CD44: variants seen among roughly 807,000 people sequenced by gnomAD.
The protein encoded by CD44 is CD44 antigen.
A neutral mutation model predicts 88.8 loss-of-function variants in CD44; 49 were observed. The observed-to-expected ratio is 0.55, with a 90% CI of 0.44 to 0.70. CD44 has a LOEUF of 0.70. Ranked by LOEUF, CD44 falls within the 30% of genes least tolerant of loss-of-function variation. CD44 has a pLI of 0.00. For synonymous variants in CD44, 325 were observed against 312.3 expected (o/e 1.04, Z -0.43); for missense variants, 883 against 913.8 (o/e 0.97, Z 0.43).
At chr11:35,146,430 C>T (rs535325611) in intron 1 of CD44, among the ~76,000 whole-genome samples, 29 of 152,202 alleles carry the variant, frequency 1.9e-4, no homozygotes, top group Non-Finnish European at 1.8e-4. Context: ...CTGTTTGCAT[C>T]TTTGCACAAG....
chr11:35,194,998 C>T (rs1003457626), intron 5 of CD44, among the ~76,000 whole-genome samples: 4 of 152,178 alleles, frequency 2.6e-5, no homozygotes, highest in African/African-American at 9.7e-5. Context: ...AGGCCCTGAA[C>T]CCTTCTTTGG....
At chr11:35,198,733 C>T (rs190265226) in intron 7 of CD44, among the ~76,000 whole-genome samples, 1 of 152,040 alleles carries the variant, frequency 6.6e-6, no homozygotes, top group South Asian at 2.1e-4. Context: ...AATCCCAGCA[C>T]CCTGGGAGGC....
At position 35,179,369 on chromosome 11, in the gene CD44, G is replaced by A. The variant is rs3794105; in HGVS notation, c.234-905G>A. 0.19 allele frequency among the ~76,000 whole-genome samples: 28,877 copies of A among 152,060 alleles called. 3,121 individuals carry two copies. The highest frequency in any genetic ancestry group is 0.27 in the African/African-American group (11,360 of 41,468). ...CTCAGCCCACATCTCATTTTTTGAG[G>A]CATTTTATATTCAAAAAAAATTGTG... On this transcript the variant is annotated intron_variant, in intron 2 of 17. Transcript: ENST00000428726.
Position 35,229,604 on chromosome 11 carries a change from G to A in CD44, c.*271G>A, listed in dbSNP as rs931774687. On this transcript the variant is annotated 3_prime_UTR_variant, in exon 18 of 18. Transcript: ENST00000428726. The stretch of plus-strand genomic sequence containing the variant: ...CCCACTTGGAGGCCTTTCATCCCTC[G>A]GGTGTGCTATGGATGGCTTCTAACA... 2.2e-5 allele frequency: 10 copies of A among 446,166 alleles called. No individual in the cohort carries two copies. The highest frequency in any genetic ancestry group is 6.1e-4 in the Middle Eastern group (1 of 1,638). The allele number at this position is 446,166 out of a possible 1,614,324, so 27.6% of individuals were successfully genotyped here. A position where few individuals can be genotyped will look rare whatever the true frequency, so the allele number is the denominator to read the frequency against.
intron 1 of CD44, among the ~76,000 whole-genome samples, chr11:35,145,045 G>A (rs1446441730): frequency 6.6e-6 from 1 of 152,214 alleles, no homozygotes; most frequent in Admixed American, 6.5e-5. Flanking sequence ...CACATTGCAG[G>A]TATGCCTATA....
chr11:35,227,695 G>A (rs1310711389), intron 17 of CD44, among the ~76,000 whole-genome samples: 1 of 152,194 alleles, frequency 6.6e-6, no homozygotes, highest in Non-Finnish European at 1.5e-5. Context: ...GTCCTACAGG[G>A]AATGGTCCAT....
chr11:35,167,563 C>T (rs1235665517), intron 1 of CD44, among the ~76,000 whole-genome samples: 2 of 152,128 alleles, frequency 1.3e-5, no homozygotes, highest in East Asian at 3.8e-4. Context: ...GAAATAGAAT[C>T]CTGGCTTTTT....
In CD44 at chr11:35,176,628, C is replaced by T. The variant is rs757127128; in HGVS notation, c.121C>T (p.Arg41Cys). Residue 41 changes from arginine to cysteine, a missense_variant, in exon 2 of 18, where the codon CGC (arginine) becomes TGC (cysteine). Physicochemically the swap from Arg to Cys is radical, Grantham distance 180 (BLOSUM62 -3). Coordinates refer to ENST00000428726, the MANE Select transcript of CD44 (RefSeq NM_000610.4). ...TGTATTCCACGTGGAGAAAAATGGT[C>T]GCTACAGCATCTCTCGGACGGAGGC... is the stretch of plus-strand genomic sequence containing the variant. Reference protein sequence around the residue: ...AGVFHVEKNGRYSISRTEAAD... With the variant: ...AGVFHVEKNGCYSISRTEAAD... 6.2e-7 allele frequency: 1 copy of T among 1,614,122 alleles called. No homozygotes were observed. Among genetic ancestry groups the T allele is most frequent in the Non-Finnish European group, 8.5e-7 (1 of 1,179,962 alleles).
Position 35,186,810 on chromosome 11 carries a change from TCCTTTTTTTCCTA to T in CD44, c.368-18_368-6del. 6.7e-7 allele frequency: 1 copy of T among 1,487,286 alleles called. No individual in the cohort carries two copies. Among genetic ancestry groups the T allele is most frequent in the Non-Finnish European group, 9.4e-7 (1 of 1,064,342 alleles). The allele number at this position is 1,487,286 out of a possible 1,614,324, so 92.1% of individuals were successfully genotyped here. A position where few individuals can be genotyped will look rare whatever the true frequency, so the allele number is the denominator to read the frequency against. ...TCCTCATGTTTTTAAAGGGTTCTCA[TCCTTTTTTTCCTA>T]CCTCATAGCTCCACCTGAAGAAGAT... On this transcript the variant is annotated splice_polypyrimidine_tract_variant and intron_variant, in intron 3 of 17. Coordinates refer to ENST00000428726, the MANE Select transcript of CD44 (RefSeq NM_000610.4).
intron 1 of CD44, among the ~76,000 whole-genome samples, chr11:35,173,285 TC>T (rs1309575952): frequency 6.6e-6 from 1 of 152,256 alleles, no homozygotes; most frequent in African/African-American, 2.4e-5. Flanking sequence ...GCTTTGTTTT[TC>T]TTTTGTGTGC....
chr11:35,175,131 G>A (rs897045533), intron 1 of CD44, among the ~76,000 whole-genome samples: 2 of 152,338 alleles, frequency 1.3e-5, no homozygotes, highest in African/African-American at 4.8e-5. Flanking sequence ...CAGACAGAGA[G>A]GAAGGCAGAT....
chr11:35,196,623 C>T (rs1211436264), intron 5 of CD44, 123 bp from the exon 6 acceptor site: 2 of 1,054,830 alleles, frequency 1.9e-6, no homozygotes, highest in Non-Finnish European at 2.6e-6. Context: ...CCTTTCTTTT[C>T]ACCATCTATA....
At chr11:35,221,555 G>A in intron 16 of CD44, 99 bp from the exon 17 acceptor site, 1 of 989,952 alleles carries the variant, frequency 1.0e-6, no homozygotes, top group Non-Finnish European at 1.6e-6. Flanking sequence ...AGCGCTGACT[G>A]TGGTGCTTGT....
chr11:35,189,996 A>G lies in CD44; in HGVS notation c.598A>G (p.Thr200Ala). 6.2e-7 allele frequency: 1 copy of G among 1,614,166 alleles called. No homozygotes were observed. Among genetic ancestry groups the G allele is most frequent in the Non-Finnish European group, 8.5e-7 (1 of 1,180,034 alleles). Residue 200 changes from threonine to alanine, a missense_variant, in exon 5 of 18, where the codon ACT (threonine) becomes GCT (alanine). Thr to Ala is a moderately conservative substitution (Grantham distance 58, BLOSUM62 0). Around this residue, in one of 2 missense-constraint regions of CD44, gnomAD observed 252 missense variants for 322.9 expected, o/e 0.78. Transcript: ENST00000428726. ...SGGYIFYTFS[T>A]VHPIPDEDSP... Reference sequence around the variant, plus strand: ...AGGTTACATCTTTTACACCTTTTCTACTGTACACCCCATCCCAGACGAAGA... The same window carrying G: ...AGGTTACATCTTTTACACCTTTTCTGCTGTACACCCCATCCCAGACGAAGA...
intron 5 of CD44, 140 bp from the exon 6 acceptor site, chr11:35,196,606 C>T (rs1460773458): frequency 4.3e-6 from 4 of 928,056 alleles, no homozygotes; most frequent in Non-Finnish European, 6.2e-6. Context: ...AACTTTTTTG[C>T]TTTTTCCCTT....
chr11:35,191,408 G>A (rs1268322305), intron 5 of CD44, among the ~76,000 whole-genome samples: 2 of 152,134 alleles, frequency 1.3e-5, no homozygotes, highest in African/African-American at 2.4e-5. Context: ...TACTTTCTTG[G>A]GTTATTGGCC....
At chr11:35,165,293 G>C (rs945496635) in intron 1 of CD44, among the ~76,000 whole-genome samples, 3 of 152,210 alleles carry the variant, frequency 2.0e-5, no homozygotes, top group African/African-American at 7.2e-5. Context: ...GACAACCCAA[G>C]TTGAAAAGGC....
At chr11:35,200,055 G>GCC (rs527595956) in intron 7 of CD44, among the ~76,000 whole-genome samples, 279 of 147,468 alleles carry the variant, frequency 1.9e-3, no homozygotes, top group Middle Eastern at 3.5e-3. Context: ...TCAACATGAT[G>GCC]CCCTCTTTCT....
At chr11:35,145,146 C>CCACAA (rs1398665250) in intron 1 of CD44, among the ~76,000 whole-genome samples, 1 of 152,220 alleles carries the variant, frequency 6.6e-6, no homozygotes, top group African/African-American at 2.4e-5. Flanking sequence ...GGGAAAATAA[C>CCACAA]CACAACAAAA....
Sources: allele counts gnomAD v4.1 joint callset (sites outside exome capture counted in the v4.1 genomes callset), GRCh38; gene constraint gnomAD v4.1.1; regional missense constraint gnomAD v4.1.1; transcripts MANE v1.5; gene names NCBI Gene and HGNC (gene_info 2026-07-23, HGNC 2026-07-21).